AKR7A2: variants seen among roughly 807,000 people sequenced by gnomAD.
AKR7A2 encodes the protein aflatoxin B1 aldehyde reductase member 2.
In AKR7A2, 29 loss-of-function variants were observed where a neutral mutation model predicts 37.3. That is an observed-to-expected ratio of 0.78 (90% CI 0.58 to 1.06). The LOEUF (loss-of-function observed/expected upper bound fraction) is 1.06, where lower values mean the gene tolerates loss of function less well. AKR7A2 is among the 50% of genes least tolerant of loss of function. The pLI is 0.00. For synonymous variants in AKR7A2, 228 were observed against 217.8 expected (o/e 1.05, Z -0.41); for missense variants, 529 against 497.9 (o/e 1.06, Z -0.59).
chr1:19,306,827 C>T (rs756027825), intron 5 of AKR7A2, among the ~76,000 whole-genome samples, 175 bp downstream of exon 5: 2 of 152,304 alleles, frequency 1.3e-5, no homozygotes, highest in African/African-American at 4.8e-5. Flanking sequence ...ATTTCCCCCC[C>T]AGAGGTCTCA....
chr1:19,304,052 C>T lies in AKR7A2; in HGVS notation c.*173G>A, dbSNP rs145371999. The T allele has an allele frequency of 9.1e-6, 10 of 1,101,202 alleles. No homozygotes were observed. Among genetic ancestry groups the T allele is most frequent in the Admixed American group, 2.1e-5 (1 of 48,186 alleles). The allele number at this position is 1,101,202 out of a possible 1,614,324, so 68.2% of individuals were successfully genotyped here. Reference sequence around the variant, plus strand: ...AAGCGCTCAAGTGGGACTCACCCCCCACCTTTCACAGTGTAAAGTGAATAG... The same window carrying T: ...AAGCGCTCAAGTGGGACTCACCCCCTACCTTTCACAGTGTAAAGTGAATAG... On this transcript the variant is annotated 3_prime_UTR_variant, in exon 7 of 7. Transcript: ENST00000235835.
At chr1:19,310,462 C>T (rs2093770445) in intron 1 of AKR7A2, among the ~76,000 whole-genome samples, 1 of 152,136 alleles carries the variant, frequency 6.6e-6, no homozygotes. Context: ...CTTTGGGAGG[C>T]TGAGGTGGGC....
intron 5 of AKR7A2, among the ~76,000 whole-genome samples, chr1:19,306,432 G>C (rs1273877371): frequency 6.6e-6 from 1 of 152,030 alleles, no homozygotes; most frequent in Admixed American, 6.6e-5. Context: ...ATTCCCTCCT[G>C]GGCTCTCTTT....
At chr1:19,308,328 G>A in intron 2 of AKR7A2, 66 bp from the exon 3 acceptor site, 1 of 1,608,622 alleles carries the variant, frequency 6.2e-7, no homozygotes, top group South Asian at 1.1e-5. Flanking sequence ...GCCAGGGTGG[G>A]GCCCCAGGGA....
chr1:19,304,494 A>C, intron 6 of AKR7A2, 108 bp from the exon 7 acceptor site: 2 of 1,586,984 alleles, frequency 1.3e-6, no homozygotes, highest in Non-Finnish European at 1.7e-6. Context: ...GTTTATATTT[A>C]TATCTTGTAT....
intron 1 of AKR7A2, 46 bp from the exon 2 acceptor site, chr1:19,308,688 G>T (rs1205580100): frequency 6.4e-7 from 1 of 1,571,556 alleles, no homozygotes. Flanking sequence ...AGAGCCATTT[G>T]CTAACCATGT....
At chr1:19,311,596 G>C (rs4911983) in intron 1 of AKR7A2, among the ~76,000 whole-genome samples, 24,264 of 151,956 alleles carry the variant, frequency 0.16, 2,371 homozygotes, top group Middle Eastern at 0.22. Context: ...CCAGGCTGGG[G>C]GGAGACTCTC....
At chr1:19,306,914 G>T in intron 5 of AKR7A2, 88 bp downstream of exon 5, 1 of 1,161,406 alleles carries the variant, frequency 8.6e-7, no homozygotes, top group Non-Finnish European at 1.3e-6. Flanking sequence ...AGCAAAGGAA[G>T]GTCTTACCTC....
intron 1 of AKR7A2, among the ~76,000 whole-genome samples, chr1:19,311,138 T>C (rs1394330771): frequency 6.6e-6 from 1 of 152,214 alleles, no homozygotes; most frequent in Non-Finnish European, 1.5e-5. Flanking sequence ...CTAGTGCCTC[T>C]CCCCGGCCTG....
chr1:19,311,032 C>T (rs1265212134), intron 1 of AKR7A2, among the ~76,000 whole-genome samples: 1 of 152,222 alleles, frequency 6.6e-6, no homozygotes, highest in Non-Finnish European at 1.5e-5. Context: ...CAAACCAAGT[C>T]TTTGCACAGA....
At chr1:19,308,294 T>C (rs777459748) in intron 2 of AKR7A2, 32 bp from the exon 3 acceptor site, 2 of 1,613,898 alleles carry the variant, frequency 1.2e-6, no homozygotes, top group Non-Finnish European at 1.7e-6. Context: ...CAGAACGCAG[T>C]GTAGCCCAGA....
chr1:19,304,294 C>T lies in AKR7A2; in HGVS notation c.1011G>A (p.Pro337=), dbSNP rs200545006. 8.6e-5 allele frequency: 139 copies of T among 1,614,022 alleles called. No homozygotes were observed. The Middle Eastern group carries it at 1.2e-3, about 13-fold the overall frequency. The change falls in exon 7 of 7, where the codon CCG becomes CCA. Residue 337 remains proline (P), a synonymous_variant. Transcript: ENST00000235835. ...CTTGATTAAAGGCATCCACGACAGCCGGCTCCAGGGGCCCTTCCTCTGTTG... is the reference window on the plus strand; with the variant it reads ...CTTGATTAAAGGCATCCACGACAGCTGGCTCCAGGGGCCCTTCCTCTGTTG... The part of the protein sequence containing the change: ...LAATEEGPLE[P]AVVDAFNQAW...
Position 19,311,951 on chromosome 1 carries a change from CGCGGCGCTGGCGGGCGCGTCCAT to C in AKR7A2, c.151_173del (p.Met51GlyfsTer59), listed in dbSNP as rs1008068186. 17 of 1,592,156 alleles carry C rather than the reference CGCGGCGCTGGCGGGCGCGTCCAT, an allele frequency of 1.1e-5. No homozygotes were observed. The highest frequency in any genetic ancestry group is 4.0e-5 in the African/African-American group (3 of 74,354). ...CGCGCTCCAGAAAGGCGCGCACGGC[CGCGGCGCTGGCGGGCGCGTCCAT>C]GCGGCGCCCCATCTCCATGGTGCCC... On this transcript the variant is annotated frameshift_variant, in exon 1 of 7. Coordinates refer to ENST00000235835, the MANE Select transcript of AKR7A2 (RefSeq NM_003689.4). LOFTEE classifies it high-confidence loss of function.
chr1:19,303,124 T>A (rs2093755293), downstream of AKR7A2, among the ~76,000 whole-genome samples: 1 of 151,816 alleles, frequency 6.6e-6, no homozygotes, highest in Non-Finnish European at 1.5e-5. Flanking sequence ...TAGGGAGATC[T>A]CCACTCCACA....
In AKR7A2 at chr1:19,312,045, G is replaced by A. The variant is rs1034542351; in HGVS notation, c.80C>T (p.Ala27Val). 4.5e-5 allele frequency: 63 copies of A among 1,388,282 alleles called. No individual in the cohort carries two copies. The highest frequency in any genetic ancestry group is 5.7e-5 in the Non-Finnish European group (61 of 1,078,696). 86.0% of individuals were successfully genotyped at this position (1,388,282 alleles called of 1,614,324 possible). Residue 27 changes from alanine to valine, a missense_variant, in exon 1 of 7, where the codon GCG (alanine) becomes GTG (valine). By Grantham distance (64) the Ala-to-Val change is moderately conservative. Transcript: ENST00000235835. ...TGGCGGTGGCCGGGACATGGCGAGC[G>A]CGCGGGCCTCGGGCGGCGGAGAGCG... Reference protein sequence around the residue: ...ALRSPPPEARALAMSRPPPPR... With the variant: ...ALRSPPPEARVLAMSRPPPPR...
rs80336613 is a variant in AKR7A2 at position 19,304,600 on chromosome 1, A to C, written c.919-214T>G. 3.1e-3 allele frequency among the ~76,000 whole-genome samples: 466 copies of C among 152,172 alleles called. 13 individuals are homozygous for C. The East Asian group carries it at 0.04, about 13-fold the overall frequency. ...CTGCCGCACGACGCTTCCACACAGA[A>C]CTACATTCACAGCCCAGTTCTGCCC... On this transcript the variant is annotated intron_variant, in intron 6 of 6. Transcript: ENST00000235835.
At chr1:19,311,401 G>A (rs528583370) in intron 1 of AKR7A2, among the ~76,000 whole-genome samples, 1 of 152,360 alleles carries the variant, frequency 6.6e-6, no homozygotes, top group East Asian at 1.9e-4. Flanking sequence ...ACTGCCAGCT[G>A]CACAGGTCAA....
At chr1:19,311,111 C>T (rs2093773661) in intron 1 of AKR7A2, among the ~76,000 whole-genome samples, 1 of 152,254 alleles carries the variant, frequency 6.6e-6, no homozygotes. Context: ...CTCCATCCAG[C>T]ATTTGCTGAG....
downstream of AKR7A2, chr1:19,303,922 C>T (rs2093756402): frequency 3.8e-5 from 16 of 422,556 alleles, no homozygotes; most frequent in South Asian, 3.4e-4. Flanking sequence ...TCTCAGTCCC[C>T]AGGTAGGATG....
Sources: gnomAD v4.1 joint callset for allele counts (sites outside exome capture counted in the v4.1 genomes callset) on GRCh38, gnomAD v4.1.1 for gene constraint, MANE v1.5 for transcripts, NCBI Gene and HGNC (gene_info 2026-07-23, HGNC 2026-07-21) for gene names.